PTPRN2: variants seen among roughly 807,000 people sequenced by gnomAD.
PTPRN2 encodes the protein protein tyrosine phosphatase receptor type N2.
PTPRN2 carries 74 observed loss-of-function variants against 118.8 expected under a neutral mutation model. The observed-to-expected ratio is 0.62, with a 90% CI of 0.52 to 0.76. The LOEUF (loss-of-function observed/expected upper bound fraction) is 0.76, where lower values mean the gene tolerates loss of function less well. Among genes scored for constraint, PTPRN2 ranks in the 30% least tolerant of loss-of-function variants. PTPRN2 has a pLI of 0.00. For synonymous variants in PTPRN2, 641 were observed against 608.0 expected (o/e 1.05, Z -0.80); for missense variants, 1,481 against 1,394.4 (o/e 1.06, Z -0.99).
At chr7:158,461,359 G>A (rs183022556) in intron 2 of PTPRN2, among the ~76,000 whole-genome samples, 252 of 152,226 alleles carry the variant, frequency 1.7e-3, no homozygotes, top group Non-Finnish European at 2.5e-3. Context: ...AACCGGGCGT[G>A]GTGGCAGGCG....
chr7:157,760,357 C>T (rs150655415), intron 12 of PTPRN2, among the ~76,000 whole-genome samples: 18 of 152,020 alleles, frequency 1.2e-4, no homozygotes, highest in African/African-American at 4.3e-4. Flanking sequence ...ATGCAGGGTG[C>T]ACGTTCTCGG....
At position 157,787,909 on chromosome 7, in the gene PTPRN2, C is replaced by A. The variant is rs1585468081; in HGVS notation, c.1789-104972G>T. Among the ~76,000 whole-genome samples, 1 of 152,182 alleles carries A rather than the reference C, an allele frequency of 6.6e-6. No individual in the cohort carries two copies. Among genetic ancestry groups the A allele is most frequent in the East Asian group, 1.9e-4 (1 of 5,188 alleles). On this transcript the variant is annotated intron_variant, in intron 12 of 22. Transcript: ENST00000389418. The surrounding 1 kb of genome is among the most constrained non-coding windows in gnomAD (Gnocchi z 5.3). ...TAAAAGCTGCTGGCAACATCGACGTCCCCAAGACACTGACAGGCCTGGAGG... is the reference window on the plus strand; with the variant it reads ...TAAAAGCTGCTGGCAACATCGACGTACCCAAGACACTGACAGGCCTGGAGG...
chr7:158,120,140 A>T (rs1817039325), intron 9 of PTPRN2, among the ~76,000 whole-genome samples: 1 of 152,222 alleles, frequency 6.6e-6, no homozygotes, highest in Non-Finnish European at 1.5e-5. Flanking sequence ...TGAGGTTCCT[A>T]GAATCCTCAA....
chr7:158,306,874 T>G lies in PTPRN2; in HGVS notation c.277+9945A>C, dbSNP rs868409207. Among the ~76,000 whole-genome samples the G allele has an allele frequency of 6.3e-4, 92 of 147,102 alleles. 1 individual carries two copies. The highest frequency in any genetic ancestry group is 2.4e-3 in the African/African-American group (91 of 38,472). On this transcript the variant is annotated intron_variant, in intron 3 of 22. Transcript: ENST00000389418. ...TTTTTTGTTTTTTTTTTTTTTTTTT[T>G]TTTTTTTTTTTAGACAGAGTCTTGC...
intron 11 of PTPRN2, among the ~76,000 whole-genome samples, chr7:157,994,440 T>C (rs1477608545): frequency 6.7e-6 from 1 of 148,692 alleles, no homozygotes; most frequent in African/African-American, 2.4e-5. Flanking sequence ...CCCACAGTCA[T>C]TGGGATGAAT....
intron 12 of PTPRN2, among the ~76,000 whole-genome samples, chr7:157,816,479 C>T (rs931723555): frequency 3.9e-5 from 6 of 152,252 alleles, no homozygotes; most frequent in African/African-American, 2.4e-5. Context: ...AGCAGAGCCA[C>T]ACTCCACCTC....
intron 11 of PTPRN2, among the ~76,000 whole-genome samples, chr7:158,051,705 A>AT (rs561720290): frequency 2.4e-4 from 37 of 152,160 alleles, no homozygotes; most frequent in African/African-American, 7.7e-4. Context: ...TGTTCACTTC[A>AT]TTTTTTTTAG....
In PTPRN2 at chr7:157,603,941, T is replaced by G; in HGVS notation, c.2418+61A>C. 1.3e-6 allele frequency: 2 copies of G among 1,487,114 alleles called. No individual in the cohort carries two copies. Among genetic ancestry groups the G allele is most frequent in the Non-Finnish European group, 1.9e-6 (2 of 1,069,120 alleles). The allele number at this position is 1,487,114 out of a possible 1,614,324, so 92.1% of individuals were successfully genotyped here. On this transcript the variant is annotated intron_variant, in intron 16 of 22. Transcript: ENST00000389418. This position sits in a 1 kb window ranked among gnomAD's most constrained non-coding sequence, Gnocchi z 5.4. ...TTCCCCCGAGAACCTTCCCACGTGATTTGCCGCGTCCGTGCCACCCAAGGG... is the reference window on the plus strand; with the variant it reads ...TTCCCCCGAGAACCTTCCCACGTGAGTTGCCGCGTCCGTGCCACCCAAGGG...
chr7:157,719,523 C>T lies in PTPRN2; in HGVS notation c.1789-36586G>A, dbSNP rs577310477. On this transcript the variant is annotated intron_variant, in intron 12 of 22. Transcript: ENST00000389418. ...TTTGCACATCCCGGCCTCCTGGGAACGCGGAGAACTTCGTGCCTGCTGTCC... is the reference window on the plus strand; with the variant it reads ...TTTGCACATCCCGGCCTCCTGGGAATGCGGAGAACTTCGTGCCTGCTGTCC... 3.5e-4 allele frequency among the ~76,000 whole-genome samples: 53 copies of T among 152,368 alleles called. No individual in the cohort carries two copies. The South Asian group carries it at 7.4e-3, about 21-fold the overall frequency.
intron 3 of PTPRN2, among the ~76,000 whole-genome samples, chr7:158,251,802 C>G (rs1357336894): frequency 2.0e-5 from 3 of 152,054 alleles, no homozygotes; most frequent in Non-Finnish European, 4.4e-5. Flanking sequence ...ACCTCACATG[C>G]GTATAGAGCA....
intron 11 of PTPRN2, among the ~76,000 whole-genome samples, chr7:158,014,683 A>G (rs951785450): frequency 1.3e-5 from 2 of 150,068 alleles, no homozygotes; most frequent in Non-Finnish European, 3.0e-5. Flanking sequence ...TTACCCATCC[A>G]TTTCTCCCTC....
chr7:157,920,604 CA>C (rs1440658566), intron 11 of PTPRN2, among the ~76,000 whole-genome samples: 2 of 152,110 alleles, frequency 1.3e-5, no homozygotes, highest in Non-Finnish European at 2.9e-5. Flanking sequence ...TTTTATAAGC[CA>C]AAAGTTAAGA....
rs4716871 is a variant in PTPRN2, at chr7:157,994,965, T to C, written c.1723+86333A>G. Among the ~76,000 whole-genome samples, 27 of 24,928 alleles carry C rather than the reference T, an allele frequency of 1.1e-3. 1 individual carries two copies. Among genetic ancestry groups the C allele is most frequent in the African/African-American group, 1.8e-3 (11 of 5,970 alleles). 16.4% of individuals were successfully genotyped at this position (24,928 alleles called of 152,430 possible). On this transcript the variant is annotated intron_variant, in intron 11 of 22. Coordinates refer to ENST00000389418, the MANE Select transcript of PTPRN2 (RefSeq NM_002847.5). ...ACTCCTTGTTCCTAAATCAACGCCG[T>C]GTCCCCAGCTTACAACTCCTGGTTC...
At chr7:157,841,481 G>A (rs894948662) in intron 12 of PTPRN2, among the ~76,000 whole-genome samples, 1 of 152,154 alleles carries the variant, frequency 6.6e-6, no homozygotes, top group African/African-American at 2.4e-5. Flanking sequence ...ACCCGCAGGT[G>A]ATGATTTTGA....
intron 12 of PTPRN2, among the ~76,000 whole-genome samples, chr7:157,725,519 G>A (rs1481710318): frequency 3.2e-5 from 1 of 31,588 alleles, no homozygotes; most frequent in Non-Finnish European, 5.6e-5. Flanking sequence ...AGAGGACGGC[G>A]GCCAGACCCT....
In PTPRN2 at chr7:158,036,549, A is replaced by G. The variant is rs6956178; in HGVS notation, c.1723+44749T>C. On this transcript the variant is annotated intron_variant, in intron 11 of 22. Coordinates refer to ENST00000389418, the MANE Select transcript of PTPRN2 (RefSeq NM_002847.5). ...CATTTCTCAAAAAATAATAGCAACC[A>G]AATATAACAGAGGGAAATCAGTAAA... Among the ~76,000 whole-genome samples, 583 of 152,356 alleles carry G rather than the reference A, an allele frequency of 3.8e-3. 3 individuals are homozygous for G. The highest frequency in any genetic ancestry group is 0.013 in the African/African-American group (546 of 41,582).
chr7:157,829,068 G>A (rs988770665), intron 12 of PTPRN2, among the ~76,000 whole-genome samples: 41 of 152,382 alleles, frequency 2.7e-4, no homozygotes, highest in African/African-American at 9.6e-5. Context: ...ACACGTCTGC[G>A]ATGCCAGCGC....
chr7:157,690,357 G>C lies in PTPRN2; in HGVS notation c.1789-7420C>G, dbSNP rs1797413294. ...CTGAACTGAGCTCTCCGACGCCCTA[G>C]TTGCCCGTTAGAGCCCCCATGCGCG... On this transcript the variant is annotated intron_variant, in intron 12 of 22. Coordinates refer to ENST00000389418, the MANE Select transcript of PTPRN2 (RefSeq NM_002847.5). The surrounding 1 kb of genome is among the most constrained non-coding windows in gnomAD (Gnocchi z 7.1). Among the ~76,000 whole-genome samples, 1 of 152,196 alleles carries C rather than the reference G, an allele frequency of 6.6e-6. No individual in the cohort carries two copies. Among genetic ancestry groups the C allele is most frequent in the African/African-American group, 2.4e-5 (1 of 41,466 alleles).
chr7:158,491,445 TG>T (rs1821437115), intron 1 of PTPRN2, among the ~76,000 whole-genome samples: 2 of 152,196 alleles, frequency 1.3e-5, no homozygotes, highest in Non-Finnish European at 2.9e-5. Flanking sequence ...GTTTTTGGTT[TG>T]GGGGAGTTTT....
Sources: allele counts gnomAD v4.1 joint callset (sites outside exome capture counted in the v4.1 genomes callset), GRCh38; gene constraint gnomAD v4.1.1; non-coding constraint Gnocchi (gnomAD v3.1); transcripts MANE v1.5; gene names NCBI Gene and HGNC (gene_info 2026-07-23, HGNC 2026-07-21).